CA10: variants seen among roughly 807,000 people sequenced by gnomAD.
CA10 encodes the protein carbonic anhydrase-related protein 10.
In CA10, 14 loss-of-function variants were observed where a neutral mutation model predicts 44.2. The ratio of observed to expected loss-of-function variants is 0.32; its 90% confidence interval spans 0.21 to 0.50. The LOEUF (loss-of-function observed/expected upper bound fraction) is 0.50. Ranked by LOEUF, CA10 falls within the 20% of genes least tolerant of loss-of-function variation. The pLI, the probability that CA10 is intolerant of heterozygous loss-of-function variation, is 0.99. For synonymous variants in CA10, 159 were observed against 141.6 expected (o/e 1.12, Z -0.87); for missense variants, 350 against 409.7 (o/e 0.85, Z 1.26).
intron 4 of CA10, among the ~76,000 whole-genome samples, chr17:51,667,279 G>A (rs1261376338): frequency 2.0e-5 from 3 of 152,226 alleles, no homozygotes; most frequent in African/African-American, 7.2e-5. Context: ...CCCAGACAGT[G>A]TTGCTAGAGG....
intron 2 of CA10, among the ~76,000 whole-genome samples, chr17:52,042,222 A>T (rs1392828605): frequency 6.6e-6 from 1 of 152,016 alleles, no homozygotes; most frequent in African/African-American, 2.4e-5. Flanking sequence ...ACGGTGTATA[A>T]GGGTTCACTT....
intron 4 of CA10, among the ~76,000 whole-genome samples, chr17:51,682,948 A>C (rs764890386): frequency 1.3e-5 from 2 of 152,218 alleles, no homozygotes; most frequent in Non-Finnish European, 2.9e-5. Context: ...ACCACCAGGC[A>C]TGCTTATTAT....
At chr17:51,803,774 G>C (rs1907025146) in intron 3 of CA10, among the ~76,000 whole-genome samples, 3 of 152,174 alleles carry the variant, frequency 2.0e-5, no homozygotes, top group African/African-American at 7.2e-5. Context: ...CTTTTCAATG[G>C]TTTTCACTTT....
At chr17:51,821,258 T>C (rs887183639) in intron 3 of CA10, among the ~76,000 whole-genome samples, 5 of 150,838 alleles carry the variant, frequency 3.3e-5, no homozygotes, top group African/African-American at 7.4e-5. Context: ...GAGCCCACAG[T>C]TAAAAAGGAA....
chr17:51,916,882 G>T lies in CA10; in HGVS notation c.279+14108C>A, dbSNP rs561022625. On this transcript the variant is annotated intron_variant, in intron 3 of 8. Transcript: ENST00000451037. ...TTCCGTTGGAATCATTCTTCAGGAG[G>T]CCAAACCATGGCCACCGGAGTCCTT... Among the ~76,000 whole-genome samples the T allele has an allele frequency of 4.6e-5, 7 of 152,246 alleles. No individual in the cohort carries two copies. The South Asian group carries it at 1.5e-3, about 32-fold the overall frequency.
At chr17:51,766,319 G>A (rs1905379579) in intron 3 of CA10, among the ~76,000 whole-genome samples, 1 of 152,218 alleles carries the variant, frequency 6.6e-6, no homozygotes, top group Admixed American at 6.5e-5. Context: ...AAGTCTCCAT[G>A]TGAGAGCTGA....
chr17:52,029,613 C>A (rs1986405299), intron 2 of CA10, among the ~76,000 whole-genome samples: 2 of 149,694 alleles, frequency 1.3e-5, no homozygotes, highest in African/African-American at 4.9e-5. Flanking sequence ...AGATTGCCAT[C>A]CCCATCACTG....
chr17:51,728,509 G>A (rs1159528511), intron 4 of CA10, among the ~76,000 whole-genome samples: 2 of 152,050 alleles, frequency 1.3e-5, no homozygotes, highest in South Asian at 2.1e-4. Flanking sequence ...CACTTTTGAC[G>A]GGTACTTATC....
At chr17:51,934,092 C>T (rs1229812408) in intron 2 of CA10, among the ~76,000 whole-genome samples, 1 of 152,126 alleles carries the variant, frequency 6.6e-6, no homozygotes, top group African/African-American at 2.4e-5. Context: ...CTCTCCTGCT[C>T]AGCTGTGTCC....
chr17:51,887,251 A>AC (rs1339518375), intron 3 of CA10, among the ~76,000 whole-genome samples: 2 of 151,886 alleles, frequency 1.3e-5, no homozygotes, highest in Non-Finnish European at 2.9e-5. Flanking sequence ...CTTCTTAAAT[A>AC]CCCCCTCCAA....
intron 2 of CA10, among the ~76,000 whole-genome samples, chr17:52,001,415 T>C (rs938729164): frequency 6.6e-6 from 1 of 151,994 alleles, no homozygotes; most frequent in Non-Finnish European, 1.5e-5. Flanking sequence ...TTAGAGATCT[T>C]GGAAGATAGA....
At chr17:51,664,460 T>C (rs534922446) in intron 4 of CA10, among the ~76,000 whole-genome samples, 1 of 151,082 alleles carries the variant, frequency 6.6e-6, no homozygotes, top group African/African-American at 2.4e-5. Context: ...AAAAGGGACA[T>C]GAACATCTCA....
rs1217858923 is a variant in CA10, at chr17:52,149,105, A to C, written c.61+8621T>G. On this transcript the variant is annotated intron_variant, in intron 1 of 8. Coordinates refer to ENST00000451037, the MANE Select transcript of CA10 (RefSeq NM_020178.5). Reference sequence around the variant, plus strand: ...TGTGTAGTGAGAGAGAGGGGAGCGGAAAGAGAATATGTTGACTCACATCCT... The same window carrying C: ...TGTGTAGTGAGAGAGAGGGGAGCGGCAAGAGAATATGTTGACTCACATCCT... Among the ~76,000 whole-genome samples the C allele has an allele frequency of 2.0e-5, 3 of 152,200 alleles. No individual in the cohort carries two copies. The East Asian group carries it at 5.8e-4, about 29-fold the overall frequency.
intron 1 of CA10, 102 bp from the exon 2 acceptor site, chr17:52,072,495 C>G: frequency 1.3e-6 from 1 of 793,410 alleles, no homozygotes; most frequent in Non-Finnish European, 2.1e-6. Context: ...TAACCCTTTT[C>G]TACCCCAAAG....
chr17:51,720,631 G>C (rs988321774), intron 4 of CA10, among the ~76,000 whole-genome samples: 2 of 152,206 alleles, frequency 1.3e-5, no homozygotes, highest in Non-Finnish European at 2.9e-5. Flanking sequence ...GATGGAACTG[G>C]AGGACATTAT....
chr17:52,004,880 A>T (rs2144125056), intron 2 of CA10, among the ~76,000 whole-genome samples: 1 of 151,970 alleles, frequency 6.6e-6, no homozygotes, highest in East Asian at 2.0e-4. Flanking sequence ...GAAAATCCCC[A>T]ATTATTTTTA....
chr17:51,912,787 C>T (rs957503761), intron 3 of CA10, among the ~76,000 whole-genome samples: 4 of 152,130 alleles, frequency 2.6e-5, no homozygotes, highest in African/African-American at 2.4e-5. Flanking sequence ...CATATTCTAC[C>T]GAACTTTCAT....
chr17:51,703,844 A>C (rs1455144476), intron 4 of CA10, among the ~76,000 whole-genome samples: 1 of 152,220 alleles, frequency 6.6e-6, no homozygotes, highest in Non-Finnish European at 1.5e-5. Context: ...GAGTCAGTGC[A>C]TGACCTAACC....
intron 1 of CA10, among the ~76,000 whole-genome samples, chr17:52,120,734 C>A (rs150782128): frequency 2.0e-5 from 3 of 152,250 alleles, no homozygotes; most frequent in Non-Finnish European, 4.4e-5. Flanking sequence ...CAGGAATTCA[C>A]GCCTCATGCA....
Sources: allele counts gnomAD v4.1 joint callset (sites outside exome capture counted in the v4.1 genomes callset), GRCh38; gene constraint gnomAD v4.1.1; transcripts MANE v1.5; gene names NCBI Gene and HGNC (gene_info 2026-07-23, HGNC 2026-07-21).